Variants in CACNA2D2 observed in about 807,000 individuals in gnomAD.
The protein encoded by CACNA2D2 is calcium voltage-gated channel auxiliary subunit alpha2delta 2, also known as voltage-dependent calcium channel subunit alpha-2/delta-2.
A neutral mutation model predicts 166.4 loss-of-function variants in CACNA2D2; 48 were observed. The observed-to-expected ratio is 0.29, with a 90% CI of 0.23 to 0.37. The LOEUF is 0.37. Ranked by LOEUF, CACNA2D2 falls within the 10% of genes least tolerant of loss-of-function variation. CACNA2D2 has a pLI of 1.00. For missense variants in CACNA2D2, 1,122 were observed against 1,433.0 expected (o/e 0.78, Z 3.50); for synonymous variants, 561 against 573.7 (o/e 0.98, Z 0.32).
At chr3:50,458,667 A>T (rs944016380) in intron 2 of CACNA2D2, among the ~76,000 whole-genome samples, 18 of 152,228 alleles carry the variant, frequency 1.2e-4, no homozygotes, top group African/African-American at 4.3e-4. Flanking sequence ...ACGACAGTTA[A>T]GGACTATTCA....
At chr3:50,496,622 C>T (rs778642957) in intron 1 of CACNA2D2, among the ~76,000 whole-genome samples, 20 of 152,210 alleles carry the variant, frequency 1.3e-4, no homozygotes, top group Non-Finnish European at 2.5e-4. Flanking sequence ...TAGATCCAGT[C>T]GGGATCCACA....
chr3:50,416,535 C>T (rs887397567), intron 3 of CACNA2D2, among the ~76,000 whole-genome samples: 5 of 152,188 alleles, frequency 3.3e-5, no homozygotes, highest in African/African-American at 9.6e-5. Flanking sequence ...AGGGTGCCCC[C>T]CTGAGGGGAG....
At chr3:50,407,020 G>A (rs1476724943) in intron 3 of CACNA2D2, among the ~76,000 whole-genome samples, 1 of 151,844 alleles carries the variant, frequency 6.6e-6, no homozygotes, top group African/African-American at 2.4e-5. Context: ...CTGGATATTG[G>A]TGCTTGTATC....
chr3:50,460,845 C>A (rs1273113028), intron 2 of CACNA2D2, among the ~76,000 whole-genome samples: 2 of 150,390 alleles, frequency 1.3e-5, no homozygotes, highest in African/African-American at 2.5e-5. Context: ...CAGAGCAAGA[C>A]TCCGTCTCAA....
intron 2 of CACNA2D2, 105 bp from the exon 3 acceptor site, chr3:50,434,534 C>T: frequency 6.2e-6 from 5 of 809,518 alleles, no homozygotes; most frequent in Non-Finnish European, 1.1e-5. Flanking sequence ...AGTATTCACC[C>T]GCACCCAGAC....
intron 3 of CACNA2D2, among the ~76,000 whole-genome samples, chr3:50,422,548 T>A (rs1707623400): frequency 1.3e-5 from 2 of 152,164 alleles, no homozygotes; most frequent in African/African-American, 4.8e-5. Context: ...GGATCCAAGA[T>A]GCAAGCTCAG....
chr3:50,363,150 T>C lies in CACNA2D2; in HGVS notation c.*1516A>G. Reference sequence around the variant, plus strand: ...TTTCTGTATATGTTTATATTCTCCATTGAGCACCTGACTACACTACAGTTA... The same window carrying C: ...TTTCTGTATATGTTTATATTCTCCACTGAGCACCTGACTACACTACAGTTA... On this transcript the variant is annotated 3_prime_UTR_variant, in exon 38 of 38. Coordinates refer to ENST00000424201, the MANE Select transcript of CACNA2D2 (RefSeq NM_006030.4). 2.5e-6 allele frequency: 1 copy of C among 398,850 alleles called. No individual in the cohort carries two copies. The highest frequency in any genetic ancestry group is 4.4e-6 in the Non-Finnish European group (1 of 226,052). 24.7% of individuals were successfully genotyped at this position (398,850 alleles called of 1,614,324 possible). A position where few individuals can be genotyped will look rare whatever the true frequency, so the allele number is the denominator to read the frequency against.
chr3:50,404,416 C>T (rs542992046), intron 3 of CACNA2D2, among the ~76,000 whole-genome samples: 6 of 152,106 alleles, frequency 3.9e-5, no homozygotes, highest in Non-Finnish European at 8.8e-5. Flanking sequence ...CAGAAGTCCC[C>T]GGGGCTCTGC....
chr3:50,378,397 C>T (rs1705106017), intron 13 of CACNA2D2, 64 bp from the exon 14 acceptor site: 1 of 1,496,414 alleles, frequency 6.7e-7, no homozygotes, highest in Admixed American at 2.0e-5. Flanking sequence ...TGCAGAGGGC[C>T]CTGCCCCTGG....
chr3:50,400,658 C>T (rs761861805), intron 3 of CACNA2D2, among the ~76,000 whole-genome samples: 24 of 152,222 alleles, frequency 1.6e-4, no homozygotes, highest in African/African-American at 4.8e-5. Flanking sequence ...GTGATGGAGA[C>T]ACGCCAGTGG....
intron 2 of CACNA2D2, among the ~76,000 whole-genome samples, chr3:50,442,242 G>C (rs144840966): frequency 1.6e-3 from 243 of 152,328 alleles, no homozygotes; most frequent in African/African-American, 5.3e-3. Context: ...GGGGGCTGGA[G>C]AGGGGGCACA....
chr3:50,377,410 AGCCT>A, intron 17 of CACNA2D2, 53 bp downstream of exon 17: 1 of 1,416,926 alleles, frequency 7.1e-7, no homozygotes, highest in Non-Finnish European at 9.9e-7. Flanking sequence ...TTCTCTGCTG[AGCCT>A]GCCTGTGTCC....
chr3:50,407,302 T>C (rs1706765707), intron 3 of CACNA2D2, among the ~76,000 whole-genome samples: 1 of 151,836 alleles, frequency 6.6e-6, no homozygotes, highest in African/African-American at 2.4e-5. Flanking sequence ...CTCTCCTGTT[T>C]AAGGCCTGTT....
chr3:50,383,114 G>C (rs1216364851), intron 6 of CACNA2D2, among the ~76,000 whole-genome samples: 3 of 152,232 alleles, frequency 2.0e-5, no homozygotes, highest in Non-Finnish European at 4.4e-5. Flanking sequence ...TGTGGGTAGC[G>C]AGGGGTGACT....
intron 13 of CACNA2D2, among the ~76,000 whole-genome samples, chr3:50,378,707 T>C (rs1483919802): frequency 6.6e-6 from 1 of 152,094 alleles, no homozygotes; most frequent in Non-Finnish European, 1.5e-5. Context: ...GGTTGGACAA[T>C]GGACAGACAG....
In CACNA2D2 at chr3:50,379,302, C is replaced by A; in HGVS notation, c.1153-103G>T. On this transcript the variant is annotated intron_variant, in intron 11 of 37. Transcript: ENST00000424201. This position sits in a 1 kb window ranked among gnomAD's most constrained non-coding sequence, Gnocchi z 6.5. The stretch of plus-strand genomic sequence containing the variant: ...CTGGACCTCTGGCCCTCCTCCCCCA[C>A]AGCAGATGGAGCTATCTGTCCAAGC... 2.1e-6 allele frequency: 3 copies of A among 1,445,024 alleles called. No individual in the cohort carries two copies. The highest frequency in any genetic ancestry group is 2.9e-6 in the Non-Finnish European group (3 of 1,038,150). 89.5% of individuals were successfully genotyped at this position (1,445,024 alleles called of 1,614,324 possible). A position where few individuals can be genotyped will look rare whatever the true frequency, so the allele number is the denominator to read the frequency against.
In CACNA2D2 at chr3:50,363,077, G is replaced by A. The variant is rs148344318; in HGVS notation, c.*1589C>T. 7 of 398,546 alleles carry A rather than the reference G, an allele frequency of 1.8e-5. No homozygotes were observed. In the East Asian group the frequency reaches 2.1e-4, roughly 12 times the overall value. 24.7% of individuals were successfully genotyped at this position (398,546 alleles called of 1,614,324 possible). A position where few individuals can be genotyped will look rare whatever the true frequency, so the allele number is the denominator to read the frequency against. Reference sequence around the variant, plus strand: ...CTGGGGGTTAGACAGCTACCTGATGGGGATTGTTTTGTCTGTTTTTCTGTT... The same window carrying A: ...CTGGGGGTTAGACAGCTACCTGATGAGGATTGTTTTGTCTGTTTTTCTGTT... On this transcript the variant is annotated 3_prime_UTR_variant, in exon 38 of 38. Coordinates refer to ENST00000424201, the MANE Select transcript of CACNA2D2 (RefSeq NM_006030.4).
rs542801458 is a variant in CACNA2D2 at position 50,393,439 on chromosome 3, G to A, written c.465+670C>T. 3.9e-5 allele frequency among the ~76,000 whole-genome samples: 6 copies of A among 152,362 alleles called. No homozygotes were observed. In the East Asian group the frequency reaches 9.7e-4, roughly 25 times the overall value. On this transcript the variant is annotated intron_variant, in intron 4 of 37. Transcript: ENST00000424201. Reference sequence around the variant, plus strand: ...TCCGTCTGATGCTGGCCCGAGGGCCGGTATCCAGCCCCAGGCAAAATCAAA... The same window carrying A: ...TCCGTCTGATGCTGGCCCGAGGGCCAGTATCCAGCCCCAGGCAAAATCAAA...
At chr3:50,433,366 T>G (rs902151548) in intron 3 of CACNA2D2, among the ~76,000 whole-genome samples, 6 of 152,250 alleles carry the variant, frequency 3.9e-5, no homozygotes, top group Admixed American at 2.0e-4. Context: ...GTTGTTTGTT[T>G]TTTTTTTAAA....
Sources: gnomAD v4.1 joint callset for allele counts (sites outside exome capture counted in the v4.1 genomes callset) on GRCh38, gnomAD v4.1.1 for gene constraint, Gnocchi (gnomAD v3.1) non-coding constraint, MANE v1.5 for transcripts, NCBI Gene and HGNC (gene_info 2026-07-23, HGNC 2026-07-21) for gene names.